Variants in SFTPC observed in about 807,000 individuals in gnomAD.
SFTPC encodes BRICHOS domain containing 6.
In SFTPC, 12 loss-of-function variants were observed where a neutral mutation model predicts 19.9. The observed-to-expected ratio is 0.60, with a 90% CI of 0.39 to 0.98. SFTPC has a LOEUF of 0.98. Ranked by LOEUF, SFTPC falls within the 50% of genes least tolerant of loss-of-function variation. SFTPC has a pLI of 0.00. For missense variants in SFTPC, 219 were observed against 252.2 expected (o/e 0.87, Z 0.89); for synonymous variants, 123 against 103.3 (o/e 1.19, Z -1.16).
intron 2 of SFTPC, 136 bp downstream of exon 2, chr8:22,162,868 G>A (rs540501623): frequency 4.4e-6 from 6 of 1,365,084 alleles, no homozygotes; most frequent in Middle Eastern, 2.3e-4. Flanking sequence ...AAAGAGGCAC[G>A]AACCAGGCAG....
At position 22,163,932 on chromosome 8, in the gene SFTPC, G is replaced by A; in HGVS notation, c.467G>A (p.Gly156Asp). 6.2e-7 allele frequency: 1 copy of A among 1,613,898 alleles called. No individual in the cohort carries two copies. Among genetic ancestry groups the A allele is most frequent in the African/African-American group, 1.3e-5 (1 of 75,070 alleles). Residue 156 changes from glycine to aspartate, a missense_variant, in exon 5 of 6, where the codon GGC (glycine) becomes GAC (aspartate). Gly to Asp is a moderately conservative substitution (Grantham distance 94). Transcript: ENST00000679463. ...AKPAVPTSKLGQAEGRDAGSA... is the reference protein window; with the variant it reads ...AKPAVPTSKLDQAEGRDAGSA... ...CCCGCAGTGCCTACGTCTAAGCTGG[G>A]CCAGGCAGAGGGGCGAGATGCAGGC...
At chr8:22,159,345 T>G, upstream of SFTPC, 1 of 185,196 alleles carries the variant, frequency 5.4e-6, no homozygotes. Context: ...GGATTGGAGG[T>G]GGGCTTTCAC....
rs765269411 is a variant in SFTPC, at chr8:22,164,468, T to C, written c.*221T>C. ...GCCACAACAGAATAAAGCAGCCTGA[T>C]TGAAAAGCAAAGGGTCTGCTTCTGT... On this transcript the variant is annotated 3_prime_UTR_variant, in exon 6 of 6. Transcript: ENST00000679463. 19 of 1,454,106 alleles carry C rather than the reference T, an allele frequency of 1.3e-5. No homozygotes were observed. The South Asian group carries it at 2.3e-4, about 17-fold the overall frequency. 90.1% of individuals were successfully genotyped at this position (1,454,106 alleles called of 1,614,324 possible).
upstream of SFTPC, chr8:22,157,624 T>C (rs911980689): frequency 2.0e-5 from 3 of 152,238 alleles, no homozygotes; most frequent in Non-Finnish European, 4.4e-5. Context: ...CTCTTCCAAG[T>C]GTAGCCCTGG....
Position 22,163,982 on chromosome 8 carries a change from G to C in SFTPC, c.517G>C (p.Ala173Pro), listed in dbSNP as rs752289567. The C allele has an allele frequency of 5.6e-6, 9 of 1,612,606 alleles. No homozygotes were observed. ...AGSAPSGGDPAFLGMAVSTLC... is the reference protein window; with the variant it reads ...AGSAPSGGDPPFLGMAVSTLC... ...CTCAGCACCCTCCGGAGGGGACCCG[G>C]CCTTCCTGGGCATGGCCGTGAGCAC... The change falls in exon 5 of 6, where the codon GCC (alanine) becomes CCC (proline). Residue 173 changes from alanine to proline, a missense_variant. Transcript: ENST00000679463.
intron 1 of SFTPC, 111 bp from the exon 2 acceptor site, chr8:22,162,463 A>G: frequency 1.7e-6 from 2 of 1,201,566 alleles, no homozygotes; most frequent in South Asian, 1.2e-5. Context: ...CATCCATCGC[A>G]TCGGCTGTCC....
upstream of SFTPC, among the ~76,000 whole-genome samples, chr8:22,161,005 G>A (rs1827694536): frequency 1.3e-5 from 2 of 152,164 alleles, no homozygotes; most frequent in Non-Finnish European, 2.9e-5. Flanking sequence ...GAGCCCACCA[G>A]TGACCAGAGC....
chr8:22,163,823 T>A (rs746541966), intron 4 of SFTPC, 78 bp from the exon 5 acceptor site: 2 of 1,310,566 alleles, frequency 1.5e-6, no homozygotes, highest in South Asian at 2.4e-5. Flanking sequence ...TTGCCTGATA[T>A]ACCTGAAGTC....
At chr8:22,161,983 T>A (rs1245819854) in intron 1 of SFTPC, 113 bp downstream of exon 1, 4 of 1,089,218 alleles carry the variant, frequency 3.7e-6, no homozygotes, top group Non-Finnish European at 2.8e-6. Flanking sequence ...TTCACTCAAC[T>A]AACCTAGGAC....
intron 5 of SFTPC, 34 bp downstream of exon 5, chr8:22,164,093 G>A (rs747047170): frequency 1.9e-6 from 3 of 1,610,754 alleles, no homozygotes; most frequent in East Asian, 2.2e-5. Context: ...AGCAGCGGAG[G>A]AGCGCTCGGG....
At chr8:22,159,278 C>A (rs1004741446), upstream of SFTPC, among the ~76,000 whole-genome samples, 2 of 152,144 alleles carry the variant, frequency 1.3e-5, no homozygotes, top group Admixed American at 6.5e-5. Flanking sequence ...CAGAGTGAGA[C>A]CCTGTCTCTA....
At chr8:22,159,917 G>T (rs1228262410), upstream of SFTPC, 6 of 1,065,302 alleles carry the variant, frequency 5.6e-6, no homozygotes, top group Non-Finnish European at 7.6e-6. Flanking sequence ...AGGGCCCTGG[G>T]GGAGGGCAGG....
In SFTPC at chr8:22,162,618, C is replaced by T. The variant is rs770491816; in HGVS notation, c.87C>T (p.Cys29=). The part of the protein sequence containing the change: ...APRGRFGIPC[C]PVHLKRLLIV... ...GGGGCCGATTTGGCATTCCCTGCTGCCCAGTGCACCTGAAACGCCTTCTTA... is the reference window on the plus strand; with the variant it reads ...GGGGCCGATTTGGCATTCCCTGCTGTCCAGTGCACCTGAAACGCCTTCTTA... The change falls in exon 2 of 6, where the codon TGC becomes TGT. Residue 29 remains cysteine, a synonymous_variant. Transcript: ENST00000679463. The T allele has an allele frequency of 6.2e-7, 1 of 1,614,172 alleles. No individual in the cohort carries two copies. The highest frequency in any genetic ancestry group is 1.1e-5 in the South Asian group (1 of 91,088).
At chr8:22,161,906 C>A (rs147884807) in intron 1 of SFTPC, 36 bp downstream of exon 1, 1 of 1,600,700 alleles carries the variant, frequency 6.2e-7, no homozygotes, top group Non-Finnish European at 8.6e-7. Context: ...TATGTGTGCG[C>A]GCGCACATGT....
At chr8:22,163,840 T>C in intron 4 of SFTPC, 61 bp from the exon 5 acceptor site, 1 of 1,448,856 alleles carries the variant, frequency 6.9e-7, no homozygotes, top group South Asian at 1.1e-5. Context: ...AGTCCCACAA[T>C]AAGGGCTGCA....
chr8:22,159,589 C>T (rs953193693), upstream of SFTPC: 10 of 388,274 alleles, frequency 2.6e-5, no homozygotes, highest in Non-Finnish European at 4.5e-5. Context: ...GCAGCAGCAG[C>T]AGCCGCCACA....
rs1264087433 is a variant in SFTPC, at chr8:22,161,821, G to A, written c.-8G>A. On this transcript the variant is annotated 5_prime_UTR_variant, in exon 1 of 6. Coordinates refer to ENST00000679463, the MANE Select transcript of SFTPC (RefSeq NM_001317778.2). ...AGGAGGAGAGGAGAGCATAGCACCT[G>A]CAGCAAGATGGATGTGGGCAGCAAA... is the stretch of plus-strand genomic sequence containing the variant. 1 of 1,614,148 alleles carries A rather than the reference G, an allele frequency of 6.2e-7. No individual in the cohort carries two copies. The highest frequency in any genetic ancestry group is 8.5e-7 in the Non-Finnish European group (1 of 1,180,028).
Position 22,164,420 on chromosome 8 carries a change from C to T in SFTPC, c.*173C>T, listed in dbSNP as rs1126931. The T allele has an allele frequency of 0.18, 265,746 of 1,500,994 alleles. 25,484 individuals are homozygous for T. The highest frequency in any genetic ancestry group is 0.21 in the Admixed American group (9,179 of 43,460). The allele number at this position is 1,500,994 out of a possible 1,614,324, so 93.0% of individuals were successfully genotyped here. On this transcript the variant is annotated 3_prime_UTR_variant, in exon 6 of 6. Transcript: ENST00000679463. The stretch of plus-strand genomic sequence containing the variant: ...AGAGGATGGGAGTGGGCAGAGGTGG[C>T]GCCCAGGGGCCCGGGAACTCCTGCC...
upstream of SFTPC, among the ~76,000 whole-genome samples, chr8:22,160,723 C>G (rs555949925): frequency 1.6e-4 from 25 of 152,298 alleles, no homozygotes; most frequent in Admixed American, 1.6e-3. Context: ...TTAGAGACCA[C>G]CTGGCCCAAG....
Sources: gnomAD v4.1 joint callset for allele counts (sites outside exome capture counted in the v4.1 genomes callset) on GRCh38, gnomAD v4.1.1 for gene constraint, MANE v1.5 for transcripts, NCBI Gene and HGNC (gene_info 2026-07-23, HGNC 2026-07-21) for gene names.